The following ARHGAP26 variants were observed in gnomAD, a reference collection of about 807,000 sequenced individuals.
ARHGAP26 encodes the protein Rho GTPase activating protein 26, also known as rho GTPase-activating protein 26.
ARHGAP26 carries 38 observed loss-of-function variants against 104.8 expected under a neutral mutation model. The ratio of observed to expected loss-of-function variants is 0.36; its 90% CI spans 0.28 to 0.48. The LOEUF is 0.48. Among genes scored for constraint, ARHGAP26 ranks in the 20% least tolerant of loss-of-function variants. ARHGAP26 has a pLI of 0.99. For synonymous variants in ARHGAP26, 341 were observed against 340.0 expected, an observed-to-expected ratio of 1.00 and a Z score of -0.03; for missense variants, 704 against 947.9, an observed-to-expected ratio of 0.74 and a Z score of 3.38.
chr5:142,910,544 G>A (rs2152476512), intron 9 of ARHGAP26, among the ~76,000 whole-genome samples: 1 of 152,272 alleles, frequency 6.6e-6, no homozygotes, highest in Non-Finnish European at 1.5e-5. Context: ...TTCAAGACCA[G>A]CCTGGGCAAC....
At chr5:142,970,830 T>A (rs1029600531) in intron 11 of ARHGAP26, among the ~76,000 whole-genome samples, 5 of 152,222 alleles carry the variant, frequency 3.3e-5, no homozygotes, top group Non-Finnish European at 7.3e-5. Flanking sequence ...AGGAAGAGGA[T>A]GTGACGGTCA....
At chr5:142,973,184 A>G (rs1346400816) in intron 11 of ARHGAP26, among the ~76,000 whole-genome samples, 1 of 152,190 alleles carries the variant, frequency 6.6e-6, no homozygotes, top group East Asian at 1.9e-4. Context: ...TTGTTGCAGC[A>G]TTGGTGGAAA....
intron 5 of ARHGAP26, among the ~76,000 whole-genome samples, chr5:142,890,798 T>C (rs1758550809): frequency 6.6e-6 from 1 of 152,200 alleles, no homozygotes; most frequent in Non-Finnish European, 1.5e-5. Flanking sequence ...GGAAACACTC[T>C]ACTCAGAAGC....
chr5:143,085,044 CAAA>C (rs56852430), intron 17 of ARHGAP26, among the ~76,000 whole-genome samples: 1 of 61,646 alleles, frequency 1.6e-5, no homozygotes. Flanking sequence ...GACTCCATCT[CAAA>C]AAAAAAAAAA....
At chr5:142,948,243 A>G (rs1051625518) in intron 11 of ARHGAP26, among the ~76,000 whole-genome samples, 2 of 152,096 alleles carry the variant, frequency 1.3e-5, no homozygotes, top group Admixed American at 6.6e-5. Context: ...CAGAAGGCTT[A>G]TTAGAGCCCA....
chr5:143,151,069 T>C (rs1353813068), intron 20 of ARHGAP26, among the ~76,000 whole-genome samples: 1 of 152,100 alleles, frequency 6.6e-6, no homozygotes, highest in Middle Eastern at 3.2e-3. Context: ...TAAAATTCAA[T>C]AATAAGTAAA....
intron 17 of ARHGAP26, among the ~76,000 whole-genome samples, chr5:143,062,571 G>A (rs1250611341): frequency 6.8e-6 from 1 of 147,596 alleles, no homozygotes; most frequent in African/African-American, 2.5e-5. Context: ...GTACTTCCAG[G>A]CATCTCTGCA....
rs1376953076 is a variant in ARHGAP26, at chr5:143,016,751, A to T, written c.1144+2635A>T. 2.0e-5 allele frequency among the ~76,000 whole-genome samples: 3 copies of T among 151,514 alleles called. No individual in the cohort carries two copies. In the East Asian group the frequency reaches 5.8e-4, roughly 29 times the overall value. ...CCACTTTTTCAGGAGTCATTTAAAT[A>T]GGAATTGTTTTTTTAGGGTATTGAT... is the stretch of plus-strand genomic sequence containing the variant. On this transcript the variant is annotated intron_variant, in intron 12 of 22. Transcript: ENST00000645722.
At chr5:143,181,360 C>T (rs1002121321) in intron 20 of ARHGAP26, among the ~76,000 whole-genome samples, 4 of 152,194 alleles carry the variant, frequency 2.6e-5, no homozygotes, top group Non-Finnish European at 4.4e-5. Flanking sequence ...GCAACCTTGC[C>T]CTGTTTCCTC....
At chr5:143,131,743 G>C (rs1040420734) in intron 18 of ARHGAP26, among the ~76,000 whole-genome samples, 1 of 152,174 alleles carries the variant, frequency 6.6e-6, no homozygotes, top group Non-Finnish European at 1.5e-5. Flanking sequence ...TTGGCCTCCA[G>C]CTTAGAGATG....
At chr5:142,947,117 A>AAAAAAAAAG (rs1767253793) in intron 11 of ARHGAP26, 4 of 151,008 alleles carry the variant, frequency 2.6e-5, no homozygotes, top group African/African-American at 9.7e-5. Context: ...AAAAAAAAAA[A>AAAAAAAAAG]AAGAGAGAGA....
At chr5:143,055,817 A>G (rs1785724984) in intron 15 of ARHGAP26, among the ~76,000 whole-genome samples, 1 of 152,230 alleles carries the variant, frequency 6.6e-6, no homozygotes, top group African/African-American at 2.4e-5. Context: ...AATGAAACAT[A>G]GTTGTGTCTA....
chr5:143,207,537 G>T lies in ARHGAP26; in HGVS notation c.2099+229G>T, dbSNP rs1599519876. ...CCAAAGCTGGCCAGGGACAACAGGGGGCTGCCCCTGCTCTCCTGTGGTTCC... is the reference window on the plus strand; with the variant it reads ...CCAAAGCTGGCCAGGGACAACAGGGTGCTGCCCCTGCTCTCCTGTGGTTCC... On this transcript the variant is annotated intron_variant, in intron 21 of 22. Transcript: ENST00000645722. 14 of 1,575,872 alleles carry T rather than the reference G, an allele frequency of 8.9e-6. No individual in the cohort carries two copies. In the East Asian group the frequency reaches 3.1e-4, roughly 35 times the overall value.
chr5:142,851,776 T>A lies in ARHGAP26; in HGVS notation c.155-21624T>A, dbSNP rs141343217. Reference sequence around the variant, plus strand: ...TGTGTTTTCTCCAGCCACATGGTCTTGTGCACCTGGTGCTCTTTCGGCATG... The same window carrying A: ...TGTGTTTTCTCCAGCCACATGGTCTAGTGCACCTGGTGCTCTTTCGGCATG... On this transcript the variant is annotated intron_variant, in intron 1 of 22. Transcript: ENST00000645722. Among the ~76,000 whole-genome samples the A allele has an allele frequency of 6.9e-3, 1,058 of 152,378 alleles. 6 individuals are homozygous for A. Among genetic ancestry groups the A allele is most frequent in the Non-Finnish European group, 0.012 (809 of 68,038 alleles).
chr5:142,817,944 T>A (rs1020766452), intron 1 of ARHGAP26, among the ~76,000 whole-genome samples: 10 of 152,202 alleles, frequency 6.6e-5, no homozygotes, highest in Non-Finnish European at 1.5e-4. Context: ...GACAGCTTTG[T>A]TGTCTTCTCT....
chr5:142,894,270 T>C lies in ARHGAP26; in HGVS notation c.519T>C (p.His173=), dbSNP rs1188845995. The C allele has an allele frequency of 1.9e-6, 3 of 1,614,102 alleles. No homozygotes were observed. The highest frequency in any genetic ancestry group is 2.7e-5 in the African/African-American group (2 of 75,026). The change falls in exon 6 of 23, where the codon CAT becomes CAC. Residue 173 remains histidine (H), a synonymous_variant. Coordinates refer to ENST00000645722, the MANE Select transcript of ARHGAP26 (RefSeq NM_001135608.3). ...ADSQVDLVRQ[H]FYEVSLEYVF... ...GCCAAGTGGACCTGGTCCGGCAGCA[T>C]TTCTATGAAGTATCCCTGGAATATG...
intron 1 of ARHGAP26, among the ~76,000 whole-genome samples, chr5:142,869,208 CTTT>C (rs1262754470): frequency 2.2e-5 from 3 of 137,182 alleles, no homozygotes; most frequent in Admixed American, 7.4e-5. Flanking sequence ...TTTCTTTTTT[CTTT>C]TTTTTTTTTT....
intron 5 of ARHGAP26, among the ~76,000 whole-genome samples, chr5:142,890,973 T>A (rs1158998530): frequency 6.7e-6 from 1 of 149,916 alleles, no homozygotes; most frequent in African/African-American, 2.5e-5. Context: ...CTTCTCTGCC[T>A]TTGCAGATTT....
chr5:142,783,658 A>C (rs1373842404), intron 1 of ARHGAP26, among the ~76,000 whole-genome samples: 2 of 151,766 alleles, frequency 1.3e-5, no homozygotes, highest in Non-Finnish European at 2.9e-5. Flanking sequence ...CCCCTGGGCA[A>C]CTCATTTCTG....
Sources: allele counts gnomAD v4.1 joint callset (sites outside exome capture counted in the v4.1 genomes callset), GRCh38; gene constraint gnomAD v4.1.1; transcripts MANE v1.5; gene names NCBI Gene and HGNC (gene_info 2026-07-23, HGNC 2026-07-21).